The following GALNT13 variants were observed in gnomAD, a reference collection of about 807,000 sequenced individuals.
The protein encoded by GALNT13 is UDP-GalNAc:polypeptide N-acetylgalactosaminyltransferase 13.
GALNT13 carries 28 observed loss-of-function variants against 64.2 expected under a neutral mutation model. That is an observed-to-expected ratio of 0.44 (90% CI 0.32 to 0.60). The LOEUF is 0.60. Among genes scored for constraint, GALNT13 ranks in the 20% least tolerant of loss-of-function variants. The pLI is 0.05. For synonymous variants in GALNT13, 214 were observed against 224.6 expected, an observed-to-expected ratio of 0.95 and a Z score of 0.42; for missense variants, 577 against 669.8, an observed-to-expected ratio of 0.86 and a Z score of 1.53.
intron 3 of GALNT13, among the ~76,000 whole-genome samples, chr2:154,028,059 C>T (rs1698092742): frequency 6.6e-6 from 1 of 152,206 alleles, no homozygotes; most frequent in South Asian, 2.1e-4. Context: ...GACTGTAGAG[C>T]ACTATTGCCA....
intron 3 of GALNT13, among the ~76,000 whole-genome samples, chr2:154,042,892 C>T (rs568431596): frequency 1.3e-5 from 2 of 151,716 alleles, no homozygotes; most frequent in East Asian, 1.9e-4. Flanking sequence ...CTTAGTCTGG[C>T]GGGAAGGCAT....
At chr2:153,100,038 C>T in the GALNT13 span, among the ~76,000 whole-genome samples, 1 of 152,156 alleles carries the variant, frequency 6.6e-6, no homozygotes, top group African/African-American at 2.4e-5. Flanking sequence ...ATATGATCCT[C>T]ATTTAGTGCA....
At chr2:153,315,998 T>C in the GALNT13 span, among the ~76,000 whole-genome samples, 1 of 151,806 alleles carries the variant, frequency 6.6e-6, no homozygotes, top group Non-Finnish European at 1.5e-5. Context: ...AAAGTTTGAA[T>C]AGACACTTCT....
chr2:153,140,840 A>G, the GALNT13 span, among the ~76,000 whole-genome samples: 2 of 152,056 alleles, frequency 1.3e-5, no homozygotes, highest in East Asian at 1.9e-4. Context: ...GTGGATATGA[A>G]TTAATGCTTC....
intron 8 of GALNT13, among the ~76,000 whole-genome samples, chr2:154,269,629 T>G (rs918398181): frequency 2.0e-5 from 3 of 151,274 alleles, no homozygotes; most frequent in African/African-American, 7.3e-5. Flanking sequence ...CAGACCAATC[T>G]TAATGATTTG....
At chr2:153,855,763 TC>T in the GALNT13 span, among the ~76,000 whole-genome samples, 5 of 152,102 alleles carry the variant, frequency 3.3e-5, no homozygotes, top group Admixed American at 3.3e-4. Flanking sequence ...AAGACATACA[TC>T]CACACAAATA....
rs1219385309 is a variant in GALNT13, at chr2:153,877,414, G to C, written c.-177+5111G>C. Reference sequence around the variant, plus strand: ...TTGGTGAACGTAATGCATGTGGTGAGTAGCCACTGTAAACAGAAAGAAGAA... The same window carrying C: ...TTGGTGAACGTAATGCATGTGGTGACTAGCCACTGTAAACAGAAAGAAGAA... On this transcript the variant is annotated intron_variant, in intron 1 of 12. Coordinates refer to ENST00000392825, the MANE Select transcript of GALNT13 (RefSeq NM_052917.4). Among the ~76,000 whole-genome samples, 5 of 152,120 alleles carry C rather than the reference G, an allele frequency of 3.3e-5. 1 individual carries two copies. The South Asian group carries it at 1.0e-3, about 31-fold the overall frequency.
At chr2:153,104,648 A>ATT in the GALNT13 span, among the ~76,000 whole-genome samples, 1 of 152,142 alleles carries the variant, frequency 6.6e-6, no homozygotes, top group Non-Finnish European at 1.5e-5. Flanking sequence ...TAGACTTACT[A>ATT]TTATTCCAAA....
intron 8 of GALNT13, among the ~76,000 whole-genome samples, chr2:154,283,003 G>A (rs1692047314): frequency 6.6e-6 from 1 of 152,154 alleles, no homozygotes; most frequent in South Asian, 2.1e-4. Flanking sequence ...CAAGAATGAG[G>A]AGAAAAATGC....
chr2:154,438,729 A>G lies in GALNT13; in HGVS notation c.1530+3A>G. 2.5e-6 allele frequency: 4 copies of G among 1,594,608 alleles called. No individual in the cohort carries two copies. The highest frequency in any genetic ancestry group is 3.4e-6 in the Non-Finnish European group (4 of 1,169,062). On this transcript the variant is annotated splice_donor_region_variant and intron_variant, in intron 12 of 12. Transcript: ENST00000392825. The stretch of plus-strand genomic sequence containing the variant: ...AGTTATGGGAATATGATGCTGAGGT[A>G]TAGTATTTTCTTAATTTACTTATTA...
chr2:154,053,276 C>T (rs998298201), intron 3 of GALNT13, among the ~76,000 whole-genome samples: 4 of 152,132 alleles, frequency 2.6e-5, no homozygotes, highest in South Asian at 2.1e-4. Context: ...ATCAATTCTT[C>T]GCATTAACAT....
At chr2:154,362,662 G>C (rs1697141241) in intron 9 of GALNT13, among the ~76,000 whole-genome samples, 2 of 151,958 alleles carry the variant, frequency 1.3e-5, no homozygotes, top group Non-Finnish European at 2.9e-5. Context: ...CAGACAAATT[G>C]TTGACTTACA....
the GALNT13 span, among the ~76,000 whole-genome samples, chr2:153,610,458 T>C: frequency 6.6e-6 from 1 of 152,152 alleles, no homozygotes; most frequent in African/African-American, 2.4e-5. Context: ...GCGGATCACC[T>C]GAGATCAGGA....
chr2:153,173,856 T>C, the GALNT13 span, among the ~76,000 whole-genome samples: 2 of 152,142 alleles, frequency 1.3e-5, no homozygotes, highest in Non-Finnish European at 2.9e-5. Flanking sequence ...GAGGAAAAAC[T>C]TTTTTTCATC....
chr2:154,255,788 A>C (rs2105896059), intron 7 of GALNT13, among the ~76,000 whole-genome samples: 1 of 152,218 alleles, frequency 6.6e-6, no homozygotes, highest in South Asian at 2.1e-4. Context: ...GTGGTGACTA[A>C]CACCTGTAAT....
the GALNT13 span, among the ~76,000 whole-genome samples, chr2:153,556,048 A>G: frequency 3.9e-5 from 6 of 152,186 alleles, no homozygotes; most frequent in Non-Finnish European, 7.4e-5. Flanking sequence ...TCTTTCTGCA[A>G]TTATAGCAAA....
the GALNT13 span, among the ~76,000 whole-genome samples, chr2:153,345,639 C>CTTTCTTTCT: frequency 1.4e-5 from 1 of 69,688 alleles, no homozygotes; most frequent in African/African-American, 6.4e-5. Context: ...CTTTCTTTTT[C>CTTTCTTTCT]TTTCTTTCTT....
chr2:154,107,568 A>C (rs1438990459), intron 3 of GALNT13, among the ~76,000 whole-genome samples: 1 of 150,700 alleles, frequency 6.6e-6, no homozygotes, highest in Non-Finnish European at 1.5e-5. Flanking sequence ...CCAGCTTGGC[A>C]ACAGAGTGAG....
chr2:153,835,443 T>C, the GALNT13 span, among the ~76,000 whole-genome samples: 16 of 152,128 alleles, frequency 1.1e-4, 1 homozygote, highest in African/African-American at 3.9e-4. Context: ...GTACCAGTGA[T>C]AGTTTGAGTA....
Sources: allele counts gnomAD v4.1 joint callset (sites outside exome capture counted in the v4.1 genomes callset), GRCh38; gene constraint gnomAD v4.1.1; transcripts MANE v1.5; gene names NCBI Gene and HGNC (gene_info 2026-07-23, HGNC 2026-07-21).